Variants in PRKN observed in about 807,000 individuals in gnomAD.
The protein encoded by PRKN is E3 ubiquitin-protein ligase parkin.
PRKN carries 56 observed loss-of-function variants against 59.5 expected under a neutral mutation model. The ratio of observed to expected loss-of-function variants is 0.94; its 90% CI spans 0.76 to 1.18. PRKN has a LOEUF of 1.18. Among genes scored for constraint, PRKN ranks in the 50% most tolerant of loss-of-function variants. PRKN has a pLI of 0.00. For missense variants in PRKN, 657 were observed against 596.4 expected (o/e 1.10, Z -1.06); for synonymous variants, 250 against 222.1 (o/e 1.13, Z -1.12).
rs1163076443 is a variant in PRKN at position 161,576,695 on chromosome 6, G to A, written c.872-7279C>T. Reference sequence around the variant, plus strand: ...AAGTAGGTAAATGAAGTAACATTTTGGATGGTCATTAGCACTGTGTGGAAA... The same window carrying A: ...AAGTAGGTAAATGAAGTAACATTTTAGATGGTCATTAGCACTGTGTGGAAA... On this transcript the variant is annotated intron_variant, in intron 7 of 11. Transcript: ENST00000366898. This position sits in a 1 kb window ranked among gnomAD's most constrained non-coding sequence, Gnocchi z 4.6. 2.0e-5 allele frequency among the ~76,000 whole-genome samples: 3 copies of A among 152,158 alleles called. No homozygotes were observed. The highest frequency in any genetic ancestry group is 4.4e-5 in the Non-Finnish European group (3 of 68,030).
chr6:162,469,800 G>T (rs1408839234), intron 1 of PRKN, among the ~76,000 whole-genome samples: 2 of 151,936 alleles, frequency 1.3e-5, no homozygotes, highest in East Asian at 1.9e-4. Flanking sequence ...TGGATGATGG[G>T]TTCACCAAAA....
chr6:161,405,001 A>G lies in PRKN; in HGVS notation c.1084-18124T>C, dbSNP rs747421336. 2.0e-5 allele frequency among the ~76,000 whole-genome samples: 3 copies of G among 152,212 alleles called. No homozygotes were observed. The highest frequency in any genetic ancestry group is 4.8e-5 in the African/African-American group (2 of 41,444). On this transcript the variant is annotated intron_variant, in intron 9 of 11. Transcript: ENST00000366898. The surrounding 1 kb of genome is among the most constrained non-coding windows in gnomAD (Gnocchi z 5.1). The stretch of plus-strand genomic sequence containing the variant: ...TCTTCTCTTACTGGGATGGTCTGAT[A>G]TACGTTTAATGTTTTATATTTTCAT...
intron 1 of PRKN, among the ~76,000 whole-genome samples, chr6:162,475,443 G>A (rs4709626): frequency 0.31 from 47,460 of 151,550 alleles, 7,700 homozygotes; most frequent in East Asian, 0.49. Flanking sequence ...GAAACTTGGA[G>A]GAGGAACAAA....
chr6:162,351,063 G>C (rs1373860927), intron 2 of PRKN, among the ~76,000 whole-genome samples: 1 of 152,026 alleles, frequency 6.6e-6, no homozygotes, highest in Non-Finnish European at 1.5e-5. Flanking sequence ...GGTGGCATGT[G>C]CCTGTAGTCC....
intron 1 of PRKN, among the ~76,000 whole-genome samples, chr6:162,614,271 C>T (rs1168752212): frequency 1.3e-5 from 2 of 151,874 alleles, no homozygotes; most frequent in African/African-American, 4.8e-5. Context: ...CAGGAGATGG[C>T]GGTGGCAATG....
At chr6:162,192,321 C>T (rs543067478) in intron 4 of PRKN, among the ~76,000 whole-genome samples, 15 of 151,622 alleles carry the variant, frequency 9.9e-5, no homozygotes, top group South Asian at 2.1e-4. Context: ...ACCTCATTGC[C>T]ATAATGATAT....
intron 7 of PRKN, among the ~76,000 whole-genome samples, chr6:161,583,632 T>C (rs1781424156): frequency 6.6e-6 from 1 of 152,146 alleles, no homozygotes. Context: ...GTCACCAGTA[T>C]TTTTTTATGA....
chr6:161,775,083 C>A (rs1273366315), intron 7 of PRKN, among the ~76,000 whole-genome samples: 1 of 152,070 alleles, frequency 6.6e-6, no homozygotes, highest in Non-Finnish European at 1.5e-5. Context: ...GGCAAACAGA[C>A]AGGCAGACAC....
At position 161,360,278 on chromosome 6, in the gene PRKN, C is replaced by T. The variant is rs951686418; in HGVS notation, c.1168-73G>A. 1.6e-5 allele frequency: 19 copies of T among 1,204,784 alleles called. No homozygotes were observed. Among genetic ancestry groups the T allele is most frequent in the African/African-American group, 1.2e-4 (8 of 67,284 alleles). 74.6% of individuals were successfully genotyped at this position (1,204,784 alleles called of 1,614,324 possible). A position where few individuals can be genotyped will look rare whatever the true frequency, so the allele number is the denominator to read the frequency against. Reference sequence around the variant, plus strand: ...GGGATCAGAGTTTATGTTCCCTGTACGTCGGTACAGGAAATTCTTGAAGAC... The same window carrying T: ...GGGATCAGAGTTTATGTTCCCTGTATGTCGGTACAGGAAATTCTTGAAGAC... On this transcript the variant is annotated intron_variant, in intron 10 of 11. Transcript: ENST00000366898. This position sits in a 1 kb window ranked among gnomAD's most constrained non-coding sequence, Gnocchi z 5.1.
intron 4 of PRKN, among the ~76,000 whole-genome samples, chr6:162,142,633 G>C (rs1343574382): frequency 6.6e-6 from 1 of 152,098 alleles, no homozygotes; most frequent in Non-Finnish European, 1.5e-5. Context: ...AATTATTTGA[G>C]TTAATATTTG....
At chr6:162,548,790 A>G (rs1022623715) in intron 1 of PRKN, among the ~76,000 whole-genome samples, 1 of 152,160 alleles carries the variant, frequency 6.6e-6, no homozygotes, top group African/African-American at 2.4e-5. Context: ...TTCATGGATT[A>G]TTTCCTGTGG....
intron 7 of PRKN, among the ~76,000 whole-genome samples, chr6:161,770,260 G>A (rs778932656): frequency 2.3e-4 from 35 of 152,202 alleles, no homozygotes; most frequent in South Asian, 4.1e-4. Context: ...TAGCTTAACC[G>A]CAGGGAGCAG....
intron 6 of PRKN, among the ~76,000 whole-genome samples, chr6:161,843,580 G>T (rs565742156): frequency 6.6e-6 from 1 of 152,298 alleles, no homozygotes; most frequent in South Asian, 2.1e-4. Context: ...AAGGTCAGGA[G>T]TTTGAGACCA....
At chr6:162,339,271 G>GC (rs1247048782) in intron 2 of PRKN, among the ~76,000 whole-genome samples, 2 of 140,762 alleles carry the variant, frequency 1.4e-5, no homozygotes, top group African/African-American at 5.3e-5. Context: ...CCGGCCAGCC[G>GC]CCCCGTCCGG....
chr6:162,054,951 C>T (rs1227065648), intron 4 of PRKN, among the ~76,000 whole-genome samples: 4 of 152,122 alleles, frequency 2.6e-5, no homozygotes, highest in Admixed American at 1.3e-4. Flanking sequence ...CACCTGAGGT[C>T]AGGAGTTCAA....
rs538296117 is a variant in PRKN at position 162,332,758 on chromosome 6, A to G, written c.172-69993T>C. On this transcript the variant is annotated intron_variant, in intron 2 of 11. Transcript: ENST00000366898. Reference sequence around the variant, plus strand: ...TGAGACACTGGCAGGCAGGGCCCAGACAGCACCAACATCCACGACAGCCCC... The same window carrying G: ...TGAGACACTGGCAGGCAGGGCCCAGGCAGCACCAACATCCACGACAGCCCC... Among the ~76,000 whole-genome samples, 42 of 152,192 alleles carry G rather than the reference A, an allele frequency of 2.8e-4. No homozygotes were observed. In the South Asian group the frequency reaches 7.5e-3, roughly 27 times the overall value.
chr6:161,550,738 C>CATGTGTGTGTGT lies in PRKN; in HGVS notation c.934-1736_934-1735insACACACACACAT, dbSNP rs1554275154. On this transcript the variant is annotated intron_variant, in intron 8 of 11. Coordinates refer to ENST00000366898, the MANE Select transcript of PRKN (RefSeq NM_004562.3). This position sits in a 1 kb window ranked among gnomAD's most constrained non-coding sequence, Gnocchi z 4.0. ...AAGAAAGGGTATGTGTGTGTGTGCA[C>CATGTGTGTGTGT]GTGTGTGTGTGTGTGTGTGTGTGTA... 1.4e-5 allele frequency among the ~76,000 whole-genome samples: 2 copies of CATGTGTGTGTGT among 146,192 alleles called. No individual in the cohort carries two copies. The highest frequency in any genetic ancestry group is 5.2e-5 in the African/African-American group (2 of 38,626).
At chr6:162,298,287 C>T (rs1781773670) in intron 2 of PRKN, among the ~76,000 whole-genome samples, 1 of 152,082 alleles carries the variant, frequency 6.6e-6, no homozygotes, top group African/African-American at 2.4e-5. Flanking sequence ...ATTTACCATC[C>T]ACCAGATGTC....
intron 2 of PRKN, among the ~76,000 whole-genome samples, chr6:162,369,293 C>T (rs1275351860): frequency 2.0e-5 from 3 of 152,136 alleles, no homozygotes; most frequent in South Asian, 2.1e-4. Flanking sequence ...AGGGAACAGG[C>T]AGTTCTCGAA....
Sources: gnomAD v4.1 joint callset for allele counts (sites outside exome capture counted in the v4.1 genomes callset) on GRCh38, gnomAD v4.1.1 for gene constraint, Gnocchi (gnomAD v3.1) non-coding constraint, MANE v1.5 for transcripts, NCBI Gene and HGNC (gene_info 2026-07-23, HGNC 2026-07-21) for gene names.